KLHL1: variants seen among roughly 807,000 people sequenced by gnomAD.
KLHL1 encodes the protein kelch like family member 1.
In KLHL1, 47 loss-of-function variants were observed where a neutral mutation model predicts 77.7. That is an observed-to-expected ratio of 0.60 (90% CI 0.48 to 0.77). The LOEUF (loss-of-function observed/expected upper bound fraction) is 0.77. KLHL1 is among the 30% of genes least tolerant of loss of function. The probability of loss-of-function intolerance (pLI) is 0.00; values close to 1 mark genes in which losing one functional copy is unlikely to be tolerated. For synonymous variants in KLHL1, 360 were observed against 325.2 expected (o/e 1.11, Z -1.15); for missense variants, 925 against 910.8 (o/e 1.02, Z -0.20).
At chr13:70,052,901 T>C (rs1378826693) in intron 1 of KLHL1, among the ~76,000 whole-genome samples, 3 of 152,056 alleles carry the variant, frequency 2.0e-5, no homozygotes, top group Admixed American at 1.3e-4. Context: ...ATTCCTTACA[T>C]TGATATCTAC....
At chr13:69,926,503 T>C (rs2138273392) in intron 4 of KLHL1, among the ~76,000 whole-genome samples, 1 of 152,248 alleles carries the variant, frequency 6.6e-6, no homozygotes, top group South Asian at 2.1e-4. Flanking sequence ...ACTTAACATT[T>C]TTAAGATAGT....
chr13:69,731,370 G>T (rs1037087639), intron 8 of KLHL1, among the ~76,000 whole-genome samples: 1 of 152,150 alleles, frequency 6.6e-6, no homozygotes, highest in Non-Finnish European at 1.5e-5. Context: ...CCTTCTAGAA[G>T]TCTCAGTATT....
At chr13:69,742,528 G>A (rs539064655) in intron 7 of KLHL1, among the ~76,000 whole-genome samples, 4 of 152,208 alleles carry the variant, frequency 2.6e-5, no homozygotes, top group Admixed American at 1.3e-4. Flanking sequence ...TATTGGCACC[G>A]ATGACACAGT....
intron 4 of KLHL1, among the ~76,000 whole-genome samples, chr13:69,885,978 G>C (rs1411390939): frequency 1.3e-5 from 2 of 152,078 alleles, no homozygotes; most frequent in Non-Finnish European, 2.9e-5. Context: ...CATAATCAGG[G>C]AGTATAGTAT....
chr13:70,070,082 G>A (rs1887104745), intron 1 of KLHL1, among the ~76,000 whole-genome samples: 1 of 151,602 alleles, frequency 6.6e-6, no homozygotes, highest in African/African-American at 2.4e-5. Flanking sequence ...GCATAAGAAT[G>A]GTGTGAACCC....
intron 4 of KLHL1, among the ~76,000 whole-genome samples, chr13:69,902,674 A>G (rs1277180084): frequency 6.7e-6 from 1 of 148,382 alleles, no homozygotes; most frequent in African/African-American, 2.5e-5. Flanking sequence ...CAAACACCAC[A>G]TGTTCTCACT....
At chr13:70,027,968 A>G (rs1169334210) in intron 1 of KLHL1, among the ~76,000 whole-genome samples, 1 of 152,168 alleles carries the variant, frequency 6.6e-6, no homozygotes, top group African/African-American at 2.4e-5. Flanking sequence ...AACATATTTA[A>G]TGAATTTATA....
At chr13:70,047,677 C>T (rs1886536394) in intron 1 of KLHL1, among the ~76,000 whole-genome samples, 2 of 152,154 alleles carry the variant, frequency 1.3e-5, no homozygotes, top group Admixed American at 1.3e-4. Flanking sequence ...GTGCTTTAAA[C>T]TCGCAGCTAA....
intron 7 of KLHL1, among the ~76,000 whole-genome samples, chr13:69,765,036 C>G (rs1363219228): frequency 7.0e-6 from 1 of 143,210 alleles, no homozygotes; most frequent in African/African-American, 2.6e-5. Flanking sequence ...ACTGCAGCCT[C>G]CACCTCCCAG....
intron 7 of KLHL1, among the ~76,000 whole-genome samples, chr13:69,771,867 C>T (rs542210399): frequency 6.6e-6 from 1 of 152,250 alleles, no homozygotes; most frequent in Admixed American, 6.5e-5. Flanking sequence ...GGAGACATGA[C>T]TTCAAAATAG....
At chr13:69,715,010 T>A (rs1876054385) in intron 9 of KLHL1, among the ~76,000 whole-genome samples, 1 of 152,110 alleles carries the variant, frequency 6.6e-6, no homozygotes, top group Non-Finnish European at 1.5e-5. Flanking sequence ...GCCAGAAAAA[T>A]TCTGGGCAGC....
intron 5 of KLHL1, among the ~76,000 whole-genome samples, chr13:69,863,671 A>G (rs1252407312): frequency 6.6e-6 from 1 of 151,902 alleles, no homozygotes; most frequent in Non-Finnish European, 1.5e-5. Flanking sequence ...TCTTTGTTTC[A>G]GTTGTCACTT....
intron 7 of KLHL1, among the ~76,000 whole-genome samples, chr13:69,789,317 C>T (rs1199375163): frequency 6.7e-6 from 1 of 150,120 alleles, no homozygotes; most frequent in Non-Finnish European, 1.5e-5. Flanking sequence ...CAAAATAAGT[C>T]TTATTTAATA....
At chr13:70,026,914 T>C (rs1430683077) in intron 1 of KLHL1, among the ~76,000 whole-genome samples, 3 of 152,114 alleles carry the variant, frequency 2.0e-5, no homozygotes, top group Admixed American at 2.0e-4. Flanking sequence ...GGGCTATTTT[T>C]CTATGTTTTA....
intron 8 of KLHL1, among the ~76,000 whole-genome samples, chr13:69,726,302 ACT>A (rs1304675675): frequency 1.8e-4 from 27 of 151,912 alleles, no homozygotes; most frequent in Admixed American, 1.6e-3. Context: ...CTTTGAAGAA[ACT>A]CTCTAGATCC....
intron 7 of KLHL1, among the ~76,000 whole-genome samples, chr13:69,757,815 G>A (rs1874825461): frequency 6.6e-6 from 1 of 151,854 alleles, no homozygotes; most frequent in African/African-American, 2.4e-5. Context: ...AAATTAGCTT[G>A]GCGTGGTGGC....
chr13:69,903,630 C>CTTTTTTTTTT lies in KLHL1; in HGVS notation c.1015-21145_1015-21136dup. Among the ~76,000 whole-genome samples the CTTTTTTTTTT allele has an allele frequency of 2.1e-3, 107 of 50,204 alleles. 26 individuals are homozygous for CTTTTTTTTTT. Among genetic ancestry groups the CTTTTTTTTTT allele is most frequent in the African/African-American group, 6.4e-3 (66 of 10,392 alleles). 32.9% of individuals were successfully genotyped at this position (50,204 alleles called of 152,430 possible). ...TTTGCAGAAAACCCTTGTTCACATT[C>CTTTTTTTTTT]TTTTTTTTTTTTTTTTTTTTTTTTT... is the stretch of plus-strand genomic sequence containing the variant. On this transcript the variant is annotated intron_variant, in intron 4 of 10. Transcript: ENST00000377844.
chr13:70,016,321 G>A (rs1885656606), intron 1 of KLHL1, among the ~76,000 whole-genome samples: 2 of 152,164 alleles, frequency 1.3e-5, no homozygotes, highest in Admixed American at 1.3e-4. Context: ...GAGTTAAAAG[G>A]GTGGGAATCC....
intron 5 of KLHL1, among the ~76,000 whole-genome samples, chr13:69,870,125 T>C (rs1248624634): frequency 6.6e-6 from 1 of 152,144 alleles, no homozygotes; most frequent in Admixed American, 6.6e-5. Flanking sequence ...AATAAAATAG[T>C]TGTATTTCTC....
Sources: allele counts gnomAD v4.1 joint callset (sites outside exome capture counted in the v4.1 genomes callset), GRCh38; gene constraint gnomAD v4.1.1; transcripts MANE v1.5; gene names NCBI Gene and HGNC (gene_info 2026-07-23, HGNC 2026-07-21).